The following DOP1B variants were observed in gnomAD, a reference collection of about 807,000 sequenced individuals.
DOP1B encodes the protein protein DOP1B.
Under a neutral mutation model 233.5 loss-of-function variants are expected in DOP1B, and 174 were observed. The ratio of observed to expected loss-of-function variants is 0.75; its 90% CI spans 0.66 to 0.85. DOP1B has a LOEUF of 0.85. Among genes scored for constraint, DOP1B ranks in the 40% least tolerant of loss-of-function variants. The pLI, the probability that DOP1B is intolerant of heterozygous loss-of-function variation, is 0.00. For missense variants in DOP1B, 2,652 were observed against 2,846.6 expected (o/e 0.93, Z 1.56); for synonymous variants, 1,190 against 1,185.6 (o/e 1.00, Z -0.08).
chr21:36,190,940 C>T (rs977326472), intron 2 of DOP1B, among the ~76,000 whole-genome samples: 3 of 152,130 alleles, frequency 2.0e-5, no homozygotes, highest in Non-Finnish European at 4.4e-5. Context: ...GTCTTGGCAG[C>T]CCTGGACCTG....
At chr21:36,258,778 C>T (rs2067136336) in intron 23 of DOP1B, among the ~76,000 whole-genome samples, 1 of 152,066 alleles carries the variant, frequency 6.6e-6, no homozygotes, top group Non-Finnish European at 1.5e-5. Flanking sequence ...TCTAGGTTGG[C>T]AAAGAAGAGA....
chr21:36,206,010 C>CA (rs34186825), intron 4 of DOP1B, among the ~76,000 whole-genome samples: 18 of 147,902 alleles, frequency 1.2e-4, no homozygotes, highest in South Asian at 2.2e-4. Flanking sequence ...AACTCCGTCT[C>CA]AAAAAAAAAA....
At chr21:36,174,223 C>T (rs35465315) in intron 2 of DOP1B, among the ~76,000 whole-genome samples, 6,618 of 152,208 alleles carry the variant, frequency 0.043, 194 homozygotes, top group Non-Finnish European at 0.064. Context: ...CGTGGTGGCT[C>T]ACGTGTGTAG....
chr21:36,180,373 A>G (rs1228208058), intron 2 of DOP1B, among the ~76,000 whole-genome samples: 1 of 152,066 alleles, frequency 6.6e-6, no homozygotes, highest in Non-Finnish European at 1.5e-5. Flanking sequence ...GTTCAAGACC[A>G]GCCTGGCCAA....
At chr21:36,198,033 A>G (rs2066312883) in intron 2 of DOP1B, among the ~76,000 whole-genome samples, 1 of 151,830 alleles carries the variant, frequency 6.6e-6, no homozygotes, top group East Asian at 1.9e-4. Flanking sequence ...AAAAAAAAAA[A>G]AAGAAGCGTG....
intron 2 of DOP1B, among the ~76,000 whole-genome samples, chr21:36,186,715 C>G (rs974358053): frequency 6.6e-5 from 10 of 152,184 alleles, no homozygotes; most frequent in Non-Finnish European, 4.4e-5. Context: ...CTGAAATACT[C>G]TGCACACCTG....
chr21:36,251,969 G>A (rs1363034604), intron 22 of DOP1B, among the ~76,000 whole-genome samples: 2 of 152,134 alleles, frequency 1.3e-5, no homozygotes, highest in South Asian at 4.2e-4. Context: ...GGGAGGCCAA[G>A]ACGGGCAGAT....
chr21:36,232,434 C>T (rs533588451), intron 14 of DOP1B, among the ~76,000 whole-genome samples: 60 of 152,280 alleles, frequency 3.9e-4, no homozygotes, highest in African/African-American at 1.4e-3. Flanking sequence ...TACTTTTTGG[C>T]CTCTTCAGCT....
intron 2 of DOP1B, among the ~76,000 whole-genome samples, chr21:36,198,594 G>C (rs1022356755): frequency 3.3e-5 from 5 of 152,192 alleles, no homozygotes; most frequent in African/African-American, 1.2e-4. Flanking sequence ...CCGCAGACGT[G>C]TCGTGTATCC....
Position 36,208,823 on chromosome 21 carries a change from A to T in DOP1B, c.600A>T (p.Ser200=). The T allele has an allele frequency of 6.2e-7, 1 of 1,604,184 alleles. No homozygotes were observed. The highest frequency in any genetic ancestry group is 8.5e-7 in the Non-Finnish European group (1 of 1,175,224). The change falls in exon 5 of 37, where the codon TCA becomes TCT. Residue 200 remains serine, a synonymous_variant. Transcript: ENST00000691173. ...GCCCGTCCATCCGCCTCCCTGCCTC[A>T]GTCTTCGTGGTGGGCCACATCAACA... The part of the protein sequence containing the change: ...LASPSIRLPA[S]VFVVGHINRD...
At chr21:36,236,777 C>CTTTTTTTTTTTTTTTTTTT (rs35374710) in intron 15 of DOP1B, among the ~76,000 whole-genome samples, 3 of 118,570 alleles carry the variant, frequency 2.5e-5, no homozygotes, top group Non-Finnish European at 3.3e-5. Flanking sequence ...TTTTCTTTTT[C>CTTTTTTTTTTTTTTTTTTT]TTTTTTTTTT....
rs199879429 is a variant in DOP1B at position 36,225,613 on chromosome 21, C to A, written c.1419C>A (p.Pro473=). ...YSVRNSVSPP[P]TVSELCALLV... The stretch of plus-strand genomic sequence containing the variant: ...TGAGGAACAGCGTCAGCCCTCCCCC[C>A]ACGGTCTCGGAGCTCTGCGCCCTCC... The change falls in exon 12 of 37, where the codon CCC becomes CCA. Residue 473 remains proline, a synonymous_variant. Transcript: ENST00000691173. 59 of 1,614,164 alleles carry A rather than the reference C, an allele frequency of 3.7e-5. No individual in the cohort carries two copies. In the Admixed American group the frequency reaches 4.7e-4, roughly 13 times the overall value.
intron 1 of DOP1B, among the ~76,000 whole-genome samples, chr21:36,161,855 A>G (rs751518312): frequency 1.1e-4 from 17 of 152,186 alleles, no homozygotes; most frequent in Middle Eastern, 3.2e-3. Context: ...ATGGAATCAT[A>G]CAATGTCTGG....
intron 22 of DOP1B, 81 bp from the exon 23 acceptor site, chr21:36,253,691 G>A (rs1460875765): frequency 6.8e-7 from 1 of 1,468,148 alleles, no homozygotes; most frequent in South Asian, 1.3e-5. Flanking sequence ...GACGACTACT[G>A]TAGAATACAA....
chr21:36,238,161 C>T (rs1006751169), intron 16 of DOP1B, among the ~76,000 whole-genome samples: 2 of 152,058 alleles, frequency 1.3e-5, no homozygotes, highest in Non-Finnish European at 2.9e-5. Context: ...AGCAAGACTC[C>T]GTCTCAAAAA....
At chr21:36,172,162 G>C (rs915099277) in intron 2 of DOP1B, among the ~76,000 whole-genome samples, 10 of 152,124 alleles carry the variant, frequency 6.6e-5, no homozygotes, top group African/African-American at 2.4e-4. Flanking sequence ...GATACAGCAG[G>C]GTCAGGCCAC....
intron 5 of DOP1B, among the ~76,000 whole-genome samples, chr21:36,209,318 C>T (rs951046447): frequency 2.0e-5 from 3 of 152,174 alleles, no homozygotes; most frequent in Admixed American, 1.3e-4. Flanking sequence ...GATGGGGTTT[C>T]ACCATGTTGG....
intron 26 of DOP1B, among the ~76,000 whole-genome samples, chr21:36,268,657 G>A (rs1328238298): frequency 2.0e-5 from 3 of 152,112 alleles, no homozygotes; most frequent in African/African-American, 4.8e-5. Flanking sequence ...CCTTTGCTGC[G>A]GCTCCAGTCG....
rs991430531 is a variant in DOP1B at position 36,270,597 on chromosome 21, A to G, written c.5632+440A>G. 2.7e-5 allele frequency among the ~76,000 whole-genome samples: 4 copies of G among 147,338 alleles called. No homozygotes were observed. The South Asian group carries it at 6.5e-4, about 24-fold the overall frequency. ...AAAAAAAGTATTTAGAGCAGTGACA[A>G]GATGTTAGTCAAACTTTAGAAAACA... On this transcript the variant is annotated intron_variant, in intron 27 of 36. Coordinates refer to ENST00000691173, the MANE Select transcript of DOP1B (RefSeq NM_001320714.2).
Sources: allele counts gnomAD v4.1 joint callset (sites outside exome capture counted in the v4.1 genomes callset), GRCh38; gene constraint gnomAD v4.1.1; transcripts MANE v1.5; gene names NCBI Gene and HGNC (gene_info 2026-07-23, HGNC 2026-07-21).